POU6F2: variants seen among roughly 807,000 people sequenced by gnomAD.
POU6F2 encodes POU class 6 homeobox 2.
POU6F2 carries 31 observed loss-of-function variants against 71.3 expected under a neutral mutation model. That is an observed-to-expected ratio of 0.43 (90% CI 0.33 to 0.59). The LOEUF (loss-of-function observed/expected upper bound fraction) is 0.59. Among genes scored for constraint, POU6F2 ranks in the 20% least tolerant of loss-of-function variants. POU6F2 has a pLI of 0.04. For synonymous variants in POU6F2, 347 were observed against 355.7 expected, an observed-to-expected ratio of 0.98 and a Z score of 0.27; for missense variants, 783 against 856.8, an observed-to-expected ratio of 0.91 and a Z score of 1.07.
chr7:39,240,864 A>G (rs1219568987), intron 4 of POU6F2, among the ~76,000 whole-genome samples: 1 of 152,150 alleles, frequency 6.6e-6, no homozygotes, highest in African/African-American at 2.4e-5. Context: ...TTACCAGGAA[A>G]ATGTCTCATC....
At chr7:39,198,355 A>C (rs1167927302) in intron 2 of POU6F2, among the ~76,000 whole-genome samples, 1 of 152,204 alleles carries the variant, frequency 6.6e-6, no homozygotes, top group Admixed American at 6.5e-5. Flanking sequence ...TTCTTTTTGT[A>C]GTTTATCTAA....
intron 7 of POU6F2, among the ~76,000 whole-genome samples, chr7:39,440,406 T>C (rs1210520903): frequency 6.6e-6 from 1 of 152,188 alleles, no homozygotes; most frequent in Non-Finnish European, 1.5e-5. Flanking sequence ...TTCTCTAGTC[T>C]TGTCTGCATG....
Position 39,433,101 on chromosome 7 carries a change from C to T in POU6F2, c.1138C>T (p.Pro380Ser), listed in dbSNP as rs1369130696. Residue 380 changes from proline (P) to serine (S), a missense_variant, in exon 7 of 10, where the codon CCT becomes TCT. Physicochemically the swap from Pro to Ser is moderately conservative, Grantham distance 74. Coordinates refer to ENST00000518318, the MANE Select transcript of POU6F2 (RefSeq NM_001370959.1). ...GATTATCGGGACCATTCCACTGATGCCTAATCCAGGGCCATCGAGCCAAGC... is the reference window on the plus strand; with the variant it reads ...GATTATCGGGACCATTCCACTGATGTCTAATCCAGGGCCATCGAGCCAAGC... The part of the protein sequence containing the change: ...GQIIGTIPLM[P>S]NPGPSSQAAS... 6.2e-7 allele frequency: 1 copy of T among 1,613,342 alleles called. No individual in the cohort carries two copies.
Position 39,464,456 on chromosome 7 carries a change from C to T in POU6F2, c.1933C>T (p.Pro645Ser), listed in dbSNP as rs1789022196. The change falls in exon 10 of 10, where the codon CCC (proline) becomes TCC (serine). Residue 645 changes from proline to serine, a missense_variant. Transcript: ENST00000518318. This position sits in a 1 kb window ranked among gnomAD's most constrained non-coding sequence, Gnocchi z 4.1. ...GCGCAAGCGGCGCACCTCCTTCACA[C>T]CCCAGGCCCTTGAGATCCTCAATGC... ...KKRKRRTSFT[P>S]QALEILNAHF... The T allele has an allele frequency of 6.2e-7, 1 of 1,613,824 alleles. No individual in the cohort carries two copies. The highest frequency in any genetic ancestry group is 8.5e-7 in the Non-Finnish European group (1 of 1,179,876).
intron 4 of POU6F2, among the ~76,000 whole-genome samples, chr7:39,240,443 G>C (rs527929951): frequency 6.6e-6 from 1 of 152,180 alleles, no homozygotes; most frequent in Admixed American, 6.5e-5. Context: ...TAAATCGAAA[G>C]GGCCTTATAA....
At chr7:38,992,533 G>A (rs1788631180) in intron 1 of POU6F2, among the ~76,000 whole-genome samples, 1 of 152,170 alleles carries the variant, frequency 6.6e-6, no homozygotes, top group African/African-American at 2.4e-5. Flanking sequence ...AAAGACAAAG[G>A]GGAGTGGAGA....
At chr7:39,180,946 G>A (rs1468982714) in intron 2 of POU6F2, among the ~76,000 whole-genome samples, 1 of 151,996 alleles carries the variant, frequency 6.6e-6, no homozygotes, top group Non-Finnish European at 1.5e-5. Flanking sequence ...TAATACTAAC[G>A]TCTAAGTCCT....
chr7:39,392,830 T>C (rs999947326), intron 5 of POU6F2, among the ~76,000 whole-genome samples: 2 of 152,222 alleles, frequency 1.3e-5, no homozygotes, highest in African/African-American at 4.8e-5. Context: ...ACCAGTTACC[T>C]AGTTTCTGCT....
chr7:39,264,512 T>A (rs1262772892), intron 4 of POU6F2, among the ~76,000 whole-genome samples: 2 of 152,088 alleles, frequency 1.3e-5, no homozygotes, highest in Non-Finnish European at 2.9e-5. Flanking sequence ...CCAGCTGGTG[T>A]CTAAACTTTG....
chr7:39,056,662 C>CTCTG (rs1554313685), intron 1 of POU6F2, among the ~76,000 whole-genome samples: 1,771 of 113,380 alleles, frequency 0.016, 26 homozygotes, highest in Middle Eastern at 0.054. Flanking sequence ...CTCTCTCTCT[C>CTCTG]TGTGTGTGTG....
chr7:39,423,609 C>T (rs904360651), intron 6 of POU6F2, among the ~76,000 whole-genome samples: 1 of 152,188 alleles, frequency 6.6e-6, no homozygotes, highest in Non-Finnish European at 1.5e-5. Context: ...ACTGTCTATA[C>T]TGGCGTACAT....
chr7:39,096,651 A>G (rs1003038767), intron 2 of POU6F2, among the ~76,000 whole-genome samples: 1 of 152,154 alleles, frequency 6.6e-6, no homozygotes, highest in African/African-American at 2.4e-5. Context: ...AAAATCTCAT[A>G]TTGATTTGTG....
chr7:39,302,492 C>G (rs1471501018), intron 4 of POU6F2, among the ~76,000 whole-genome samples: 1 of 152,238 alleles, frequency 6.6e-6, no homozygotes, highest in Non-Finnish European at 1.5e-5. Context: ...AATCTATATT[C>G]TAACCTGGCG....
chr7:39,392,476 G>A (rs1398257981), intron 5 of POU6F2, among the ~76,000 whole-genome samples: 6 of 152,204 alleles, frequency 3.9e-5, no homozygotes, highest in Non-Finnish European at 7.3e-5. Context: ...CTTGGAACTA[G>A]CCTTAGACCC....
intron 5 of POU6F2, among the ~76,000 whole-genome samples, chr7:39,365,233 ATACT>A (rs766516193): frequency 1.3e-5 from 2 of 152,186 alleles, no homozygotes. Flanking sequence ...ATAAACCCAA[ATACT>A]TACTTACAGC....
chr7:39,118,077 C>A (rs1412492743), intron 2 of POU6F2, among the ~76,000 whole-genome samples: 1 of 152,112 alleles, frequency 6.6e-6, no homozygotes, highest in Non-Finnish European at 1.5e-5. Flanking sequence ...ATAATACCGC[C>A]TTTCCCATGT....
At chr7:39,257,334 G>T (rs1418287648) in intron 4 of POU6F2, among the ~76,000 whole-genome samples, 3 of 152,228 alleles carry the variant, frequency 2.0e-5, no homozygotes, top group Admixed American at 2.0e-4. Flanking sequence ...TCATTGTAAA[G>T]CCTAGTTAGA....
chr7:39,352,170 A>G (rs1786150419), intron 5 of POU6F2, among the ~76,000 whole-genome samples: 1 of 152,232 alleles, frequency 6.6e-6, no homozygotes, highest in African/African-American at 2.4e-5. Context: ...AGCCATTTCT[A>G]CAAAACTGAA....
chr7:39,338,197 T>C (rs1785821801), intron 4 of POU6F2, among the ~76,000 whole-genome samples: 1 of 152,180 alleles, frequency 6.6e-6, no homozygotes, highest in Admixed American at 6.5e-5. Context: ...CAGGCTCCCC[T>C]GCCCCAGGAT....
Sources: allele counts gnomAD v4.1 joint callset (sites outside exome capture counted in the v4.1 genomes callset), GRCh38; gene constraint gnomAD v4.1.1; non-coding constraint Gnocchi (gnomAD v3.1); transcripts MANE v1.5; gene names NCBI Gene and HGNC (gene_info 2026-07-23, HGNC 2026-07-21).